C18orf63: variants seen among roughly 807,000 people sequenced by gnomAD.
The protein encoded by C18orf63 is chromosome 18 open reading frame 63.
A neutral mutation model predicts 75.3 loss-of-function variants in C18orf63; 50 were observed. That is an observed-to-expected ratio of 0.66 (90% CI 0.53 to 0.84). C18orf63 has a LOEUF of 0.84. Ranked by LOEUF, C18orf63 falls within the 40% of genes least tolerant of loss-of-function variation. The pLI is 0.00. For synonymous variants in C18orf63, 232 were observed against 267.6 expected (o/e 0.87, Z 1.30); for missense variants, 732 against 800.2 (o/e 0.91, Z 1.03).
intron 1 of C18orf63, among the ~76,000 whole-genome samples, chr18:74,316,737 C>G (rs1213632207): frequency 1.3e-5 from 2 of 152,114 alleles, no homozygotes; most frequent in African/African-American, 4.8e-5. Flanking sequence ...AAGGCTTGGC[C>G]CACGTTTTGA....
At chr18:74,343,009 C>T (rs1018263404) in intron 10 of C18orf63, among the ~76,000 whole-genome samples, 2 of 152,116 alleles carry the variant, frequency 1.3e-5, no homozygotes, top group Non-Finnish European at 2.9e-5. Context: ...GGTTAACATA[C>T]ATCAGTTATT....
chr18:74,322,721 A>G lies in C18orf63; in HGVS notation c.237A>G (p.Lys79=). ...VMAIPFYKAR[K]LNAYVEKYGA... is the part of the protein sequence containing the mutation. ...AGATACCATTTTATAAAGCAAGAAA[A>G]CTTAATGCCTATGTTGAAAAATATG... is the stretch of plus-strand genomic sequence containing the variant. Residue 79 remains lysine, a synonymous_variant, in exon 4 of 14, where the codon AAA becomes AAG. Transcript: ENST00000579455. 1 of 1,354,580 alleles carries G rather than the reference A, an allele frequency of 7.4e-7. No homozygotes were observed. The highest frequency in any genetic ancestry group is 1.4e-5 in the African/African-American group (1 of 69,194). 83.9% of individuals were successfully genotyped at this position (1,354,580 alleles called of 1,614,324 possible). A position where few individuals can be genotyped will look rare whatever the true frequency, so the allele number is the denominator to read the frequency against.
intron 8 of C18orf63, 42 bp downstream of exon 8, chr18:74,338,866 T>A (rs1984434467): frequency 1.2e-6 from 1 of 821,730 alleles, no homozygotes; most frequent in African/African-American, 1.8e-5. Context: ...GTTCAAAATA[T>A]GGTGGTTTCC....
At position 74,353,905 on chromosome 18, in the gene C18orf63, A is replaced by G; in HGVS notation, c.1638A>G (p.Ala546=). Residue 546 remains alanine (A), a synonymous_variant, in exon 12 of 14, where the codon GCA becomes GCG. Coordinates refer to ENST00000579455, the MANE Select transcript of C18orf63 (RefSeq NM_001174123.2). ...LNKNKQLSNS[A]VFVVSNNNLG... is the part of the protein sequence containing the mutation. ...AAAATAAGCAACTATCTAATAGTGCAGTATTTGTGGTGTCAAATAACAATT... is the reference window on the plus strand; with the variant it reads ...AAAATAAGCAACTATCTAATAGTGCGGTATTTGTGGTGTCAAATAACAATT... 1 of 1,535,882 alleles carries G rather than the reference A, an allele frequency of 6.5e-7. No individual in the cohort carries two copies. The highest frequency in any genetic ancestry group is 8.7e-7 in the Non-Finnish European group (1 of 1,146,670).
chr18:74,321,452 A>G lies in C18orf63; in HGVS notation c.213+861A>G, dbSNP rs1984119893. Among the ~76,000 whole-genome samples, 4 of 152,004 alleles carry G rather than the reference A, an allele frequency of 2.6e-5. No homozygotes were observed. The South Asian group carries it at 6.3e-4, about 24-fold the overall frequency. On this transcript the variant is annotated intron_variant, in intron 3 of 13. Transcript: ENST00000579455. ...CTCGAGTAGCTAGGACTACAGGTGC[A>G]TGCCAACATGCACAGCTAATGTTTT...
At position 74,318,017 on chromosome 18, in the gene C18orf63, A is replaced by G. The variant is rs1984055524; in HGVS notation, c.134+18A>G. On this transcript the variant is annotated intron_variant, in intron 2 of 13. Coordinates refer to ENST00000579455, the MANE Select transcript of C18orf63 (RefSeq NM_001174123.2). ...ATGTGCAGGTAAAAAAATACATCTTATAACTAAGACTTTTAAAACTTTGAG... is the reference window on the plus strand; with the variant it reads ...ATGTGCAGGTAAAAAAATACATCTTGTAACTAAGACTTTTAAAACTTTGAG... 2 of 1,454,120 alleles carry G rather than the reference A, an allele frequency of 1.4e-6. No individual in the cohort carries two copies. The highest frequency in any genetic ancestry group is 1.8e-6 in the Non-Finnish European group (2 of 1,100,928). The allele number at this position is 1,454,120 out of a possible 1,614,324, so 90.1% of individuals were successfully genotyped here.
chr18:74,354,102 A>T lies in C18orf63; in HGVS notation c.1835A>T (p.Gln612Leu), dbSNP rs1311879121. The change falls in exon 12 of 14, where the codon CAA becomes CTA. Residue 612 changes from glutamine to leucine, a missense_variant. This residue lies in a region of C18orf63 where 495 missense variants were observed against 508.7 expected (regional missense o/e 0.97). Coordinates refer to ENST00000579455, the MANE Select transcript of C18orf63 (RefSeq NM_001174123.2). ...GAAGATCCACGACTGCTACAGCAGC[A>T]ATCAGAAAATCAAGCTAAAGAAGTT... ...ETEDPRLLQQ[Q>L]SENQAKEVGT... 1 of 1,536,174 alleles carries T rather than the reference A, an allele frequency of 6.5e-7. No individual in the cohort carries two copies. Among genetic ancestry groups the T allele is most frequent in the East Asian group, 2.4e-5 (1 of 40,916 alleles).
intron 7 of C18orf63, among the ~76,000 whole-genome samples, chr18:74,338,333 C>A (rs901839913): frequency 6.6e-6 from 1 of 151,972 alleles, no homozygotes; most frequent in Non-Finnish European, 1.5e-5. Context: ...CCTTACTCAT[C>A]CTCCATTTAA....
At chr18:74,340,546 T>C (rs1984463231) in intron 8 of C18orf63, among the ~76,000 whole-genome samples, 1 of 152,112 alleles carries the variant, frequency 6.6e-6, no homozygotes, top group African/African-American at 2.4e-5. Context: ...TGAAGAGATA[T>C]CTGCACCCCC....
At chr18:74,330,718 T>C in intron 6 of C18orf63, 148 bp from the exon 7 acceptor site, 1 of 446,894 alleles carries the variant, frequency 2.2e-6, no homozygotes. Context: ...AAATATTAAG[T>C]GGTTATTATT....
chr18:74,352,798 G>T (rs1167562254), intron 11 of C18orf63, among the ~76,000 whole-genome samples: 1 of 152,104 alleles, frequency 6.6e-6, no homozygotes, highest in African/African-American at 2.4e-5. Flanking sequence ...ATATTTTTTT[G>T]TGACAAATAT....
chr18:74,322,593 C>G (rs960439983), intron 3 of C18orf63, 105 bp from the exon 4 acceptor site: 2 of 340,714 alleles, frequency 5.9e-6, no homozygotes, highest in African/African-American at 4.2e-5. Flanking sequence ...GGATGATGGC[C>G]TGATTCTTTG....
chr18:74,339,877 A>T (rs1984451188), intron 8 of C18orf63, among the ~76,000 whole-genome samples: 3 of 152,220 alleles, frequency 2.0e-5, no homozygotes, highest in Admixed American at 6.5e-5. Context: ...AATGAAAATA[A>T]TTTTGTCTGT....
At position 74,354,063 on chromosome 18, in the gene C18orf63, C is replaced by G; in HGVS notation, c.1796C>G (p.Ser599Ter). The G allele has an allele frequency of 6.5e-7, 1 of 1,536,198 alleles. No homozygotes were observed. The highest frequency in any genetic ancestry group is 8.7e-7 in the Non-Finnish European group (1 of 1,146,892). Residue 599 changes from serine (S) to a stop codon, truncating the protein, a stop_gained, in exon 12 of 14, where the codon TCA (serine) becomes TGA (stop). Coordinates refer to ENST00000579455, the MANE Select transcript of C18orf63 (RefSeq NM_001174123.2). LOFTEE classifies it high-confidence loss of function. ...KLKRQPHIFESDGETEDPRLL... is the reference protein window; with the variant it reads ...KLKRQPHIFE ...AAAAGACAGCCACACATTTTTGAAT[C>G]AGATGGAGAAACCGAAGATCCACGA...
intron 5 of C18orf63, 51 bp from the exon 6 acceptor site, chr18:74,328,944 A>G: frequency 1.0e-6 from 1 of 961,834 alleles, no homozygotes. Context: ...AATATCAAGC[A>G]TGATTATTTA....
At chr18:74,319,084 C>A (rs1056763347) in intron 2 of C18orf63, among the ~76,000 whole-genome samples, 1 of 152,156 alleles carries the variant, frequency 6.6e-6, no homozygotes, top group African/African-American at 2.4e-5. Context: ...GGAGCCTGTA[C>A]CCTTCCTGCT....
Position 74,335,939 on chromosome 18 carries a change from T to C in C18orf63, c.502-2776T>C, listed in dbSNP as rs551623168. Reference sequence around the variant, plus strand: ...TCGGCACTTACTGGCAGTGCCTCTTTGGCATGTTAGTTAATCTCGCAGAAT... The same window carrying C: ...TCGGCACTTACTGGCAGTGCCTCTTCGGCATGTTAGTTAATCTCGCAGAAT... On this transcript the variant is annotated intron_variant, in intron 7 of 13. Coordinates refer to ENST00000579455, the MANE Select transcript of C18orf63 (RefSeq NM_001174123.2). Among the ~76,000 whole-genome samples the C allele has an allele frequency of 2.0e-3, 300 of 152,228 alleles. 3 individuals are homozygous for C. Among genetic ancestry groups the C allele is most frequent in the Non-Finnish European group, 3.4e-3 (233 of 67,948 alleles).
rs1421271 is a variant in C18orf63 at position 74,347,652 on chromosome 18, A to G, written c.978+3950A>G. On this transcript the variant is annotated intron_variant, in intron 11 of 13. Transcript: ENST00000579455. ...CTTGGTGAGCTCTCAGTAAGTTGTT[A>G]TTACTAGACCATATACATGTTAACT... Among the ~76,000 whole-genome samples, 2,256 of 152,290 alleles carry G rather than the reference A, an allele frequency of 0.015. 90 individuals carry two copies. The East Asian group carries it at 0.17, about 11-fold the overall frequency.
intron 1 of C18orf63, among the ~76,000 whole-genome samples, chr18:74,316,461 G>A (rs1286004343): frequency 6.6e-6 from 1 of 152,218 alleles, no homozygotes; most frequent in African/African-American, 2.4e-5. Context: ...CGCGCCCCGG[G>A]AGGATTTTTA....
Sources: allele counts gnomAD v4.1 joint callset (sites outside exome capture counted in the v4.1 genomes callset), GRCh38; gene constraint gnomAD v4.1.1; regional missense constraint gnomAD v4.1.1; transcripts MANE v1.5; gene names NCBI Gene and HGNC (gene_info 2026-07-23, HGNC 2026-07-21).